The following TYW3 variants were observed in gnomAD, a reference collection of about 807,000 sequenced individuals.
The protein encoded by TYW3 is tRNA wybutosine-synthesizing protein 3 homolog.
TYW3 carries 26 observed loss-of-function variants against 23.1 expected under a neutral mutation model. The observed-to-expected ratio is 1.13, with a 90% CI of 0.83 to 1.56. The LOEUF (loss-of-function observed/expected upper bound fraction) is 1.56, where lower values mean the gene tolerates loss of function less well. Among genes scored for constraint, TYW3 ranks in the 40% most tolerant of loss-of-function variants. The pLI is 0.00. For missense variants in TYW3, 316 were observed against 311.9 expected (o/e 1.01, Z -0.10); for synonymous variants, 102 against 105.7 (o/e 0.97, Z 0.21).
At chr1:74,750,985 T>C (rs1648765494) in intron 4 of TYW3, 1 of 152,056 alleles carries the variant, frequency 6.6e-6, no homozygotes, top group African/African-American at 2.4e-5. Context: ...TTAATTTTTT[T>C]ATTTTTAGTA....
At position 74,738,488 on chromosome 1, in the gene TYW3, G is replaced by A. The variant is rs142458557; in HGVS notation, c.256-202G>A. 3.1e-3 allele frequency among the ~76,000 whole-genome samples: 474 copies of A among 152,262 alleles called. 1 individual carries two copies. Among genetic ancestry groups the A allele is most frequent in the African/African-American group, 0.01 (430 of 41,544 alleles). On this transcript the variant is annotated intron_variant, in intron 2 of 5. Transcript: ENST00000370867. ...GAAAGAATGGTATAGAAGATTTACG[G>A]GAGAACTAGAAATTTTAAGAAAATA...
chr1:74,738,753 G>A lies in TYW3; in HGVS notation c.319G>A (p.Val107Met). Residue 107 changes from valine (V) to methionine (M), a missense_variant, in exon 3 of 6, where the codon GTG becomes ATG. Physicochemically the swap from Val to Met is conservative, Grantham distance 21. Coordinates refer to ENST00000370867, the MANE Select transcript of TYW3 (RefSeq NM_138467.3). ...TLKFEPFVLH[V>M]QCRQLQDAQI... is the part of the protein sequence containing the mutation. ...GAAATTTGAACCATTTGTTCTTCAT[G>A]TGCAGTGTCGACAATTGCAGGATGC... 1 of 1,611,122 alleles carries A rather than the reference G, an allele frequency of 6.2e-7. No homozygotes were observed. Among genetic ancestry groups the A allele is most frequent in the South Asian group, 1.1e-5 (1 of 90,760 alleles).
At chr1:74,741,612 C>T (rs438014) in intron 3 of TYW3, among the ~76,000 whole-genome samples, 34,981 of 152,068 alleles carry the variant, frequency 0.23, 4,159 homozygotes, top group Middle Eastern at 0.3. Flanking sequence ...CTGTGACATC[C>T]TTCAGGTAGG....
intron 1 of TYW3, 169 bp downstream of exon 1, chr1:74,733,587 A>G (rs1463924253): frequency 4.1e-6 from 4 of 979,386 alleles, no homozygotes; most frequent in Non-Finnish European, 4.9e-6. Context: ...TGCTTCTAAA[A>G]GTTTAACGTG....
At chr1:74,753,512 C>T (rs1327662539) in intron 5 of TYW3, among the ~76,000 whole-genome samples, 1 of 152,206 alleles carries the variant, frequency 6.6e-6, no homozygotes, top group African/African-American at 2.4e-5. Context: ...AAGTATGCCA[C>T]CAAGGCAGAA....
chr1:74,733,427 C>T lies in TYW3; in HGVS notation c.174+9C>T. 6.2e-7 allele frequency: 1 copy of T among 1,613,778 alleles called. No homozygotes were observed. Among genetic ancestry groups the T allele is most frequent in the Non-Finnish European group, 8.5e-7 (1 of 1,179,814 alleles). On this transcript the variant is annotated intron_variant, in intron 1 of 5. Transcript: ENST00000370867. ...TCCTACTCCTTGACCGGGTGAGGCC[C>T]CTTTGCGCCTGTCCATCGCCTGCCT...
intron 5 of TYW3, among the ~76,000 whole-genome samples, chr1:74,759,459 C>G (rs922092077): frequency 1.3e-5 from 2 of 150,110 alleles, no homozygotes; most frequent in African/African-American, 4.9e-5. Context: ...AAGTGATTGT[C>G]ACACCTTAGC....
Position 74,752,382 on chromosome 1 carries a change from G to A in TYW3, c.517G>A (p.Val173Met). The A allele has an allele frequency of 6.2e-7, 1 of 1,613,490 alleles. No individual in the cohort carries two copies. Among genetic ancestry groups the A allele is most frequent in the Non-Finnish European group, 8.5e-7 (1 of 1,179,744 alleles). ...TEEYIDFLLN[V>M]ANQKMEENKK... The stretch of plus-strand genomic sequence containing the variant: ...GGAATATATTGACTTCCTGTTAAAT[G>A]TGGCAAATCAAAAAATGGAGGAAAA... The change falls in exon 5 of 6, where the codon GTG (valine) becomes ATG (methionine). Residue 173 changes from valine (V) to methionine (M), a missense_variant. Coordinates refer to ENST00000370867, the MANE Select transcript of TYW3 (RefSeq NM_138467.3).
chr1:74,749,929 T>C (rs1400524472), intron 4 of TYW3, among the ~76,000 whole-genome samples: 4 of 152,106 alleles, frequency 2.6e-5, no homozygotes, highest in Non-Finnish European at 5.9e-5. Flanking sequence ...GCGCTCTGGC[T>C]GGACAGAGCA....
At chr1:74,734,807 A>T (rs1417742098) in intron 1 of TYW3, among the ~76,000 whole-genome samples, 4 of 152,030 alleles carry the variant, frequency 2.6e-5, no homozygotes, top group Admixed American at 1.3e-4. Flanking sequence ...AAATAGGATA[A>T]TTTTTTTTGA....
chr1:74,740,506 C>G (rs1648314529), intron 3 of TYW3, among the ~76,000 whole-genome samples: 1 of 152,224 alleles, frequency 6.6e-6, no homozygotes, highest in South Asian at 2.1e-4. Context: ...TTGGCCCCAC[C>G]CACATCCTGC....
At chr1:74,753,535 C>T (rs994965602) in intron 5 of TYW3, among the ~76,000 whole-genome samples, 4 of 152,194 alleles carry the variant, frequency 2.6e-5, no homozygotes, top group Non-Finnish European at 4.4e-5. Context: ...GGGTTCAAAT[C>T]GTGGTTCTGA....
chr1:74,761,355 T>C (rs1372427386), intron 5 of TYW3, among the ~76,000 whole-genome samples: 2 of 152,236 alleles, frequency 1.3e-5, no homozygotes, highest in East Asian at 3.9e-4. Context: ...TTGATTAAAG[T>C]AAGGCATACA....
intron 2 of TYW3, 135 bp from the exon 3 acceptor site, chr1:74,738,555 G>A (rs1648232478): frequency 2.0e-6 from 1 of 501,184 alleles, no homozygotes; most frequent in South Asian, 6.7e-5. Flanking sequence ...GAAAGCAGAG[G>A]GAAAAGTTAC....
At chr1:74,757,380 G>A (rs72973623) in intron 5 of TYW3, among the ~76,000 whole-genome samples, 1 of 152,184 alleles carries the variant, frequency 6.6e-6, no homozygotes, top group African/African-American at 2.4e-5. Context: ...AAGACTATGG[G>A]AACCCACCTC....
At chr1:74,742,670 A>T (rs748928927) in intron 3 of TYW3, among the ~76,000 whole-genome samples, 8 of 152,138 alleles carry the variant, frequency 5.3e-5, no homozygotes, top group Non-Finnish European at 8.8e-5. Context: ...GGGTTTTTAC[A>T]CTGTGTGTAG....
intron 5 of TYW3, among the ~76,000 whole-genome samples, chr1:74,762,010 G>A (rs1048100631): frequency 6.6e-6 from 1 of 152,074 alleles, no homozygotes; most frequent in African/African-American, 2.4e-5. Context: ...GGCCCAAAAA[G>A]TTATGTATGT....
At chr1:74,761,643 A>T (rs1466827522) in intron 5 of TYW3, 2 of 152,160 alleles carry the variant, frequency 1.3e-5, no homozygotes, top group African/African-American at 4.8e-5. Flanking sequence ...ACGTTAATGT[A>T]AGTCATTCTG....
intron 5 of TYW3, among the ~76,000 whole-genome samples, chr1:74,758,260 G>C (rs1318340015): frequency 6.6e-6 from 1 of 152,158 alleles, no homozygotes; most frequent in Non-Finnish European, 1.5e-5. Context: ...TGTACTGGCA[G>C]GTCTTCTAAA....
Sources: gnomAD v4.1 joint callset for allele counts (sites outside exome capture counted in the v4.1 genomes callset) on GRCh38, gnomAD v4.1.1 for gene constraint, MANE v1.5 for transcripts, NCBI Gene and HGNC (gene_info 2026-07-23, HGNC 2026-07-21) for gene names.